MTMR8: variants seen among roughly 807,000 people sequenced by gnomAD.
MTMR8 encodes the protein myotubularin related protein 8.
In MTMR8, 65 loss-of-function variants were observed where a neutral mutation model predicts 39.3. The ratio of observed to expected loss-of-function variants is 1.65; its 90% confidence interval spans 1.35 to 2.03. MTMR8 has a LOEUF of 2.03. MTMR8 is among the 30% of genes most tolerant of loss of function. MTMR8 has a pLI of 0.00. For missense variants in MTMR8, 777 were observed against 538.9 expected, an observed-to-expected ratio of 1.44 and a Z score of -4.37; for synonymous variants, 245 against 185.2, an observed-to-expected ratio of 1.32 and a Z score of -2.62.
intron 12 of MTMR8, among the ~76,000 whole-genome samples, chrX:64,316,690 A>C (rs188465042): frequency 1.8e-5 from 2 of 111,582 alleles, no homozygotes; most frequent in African/African-American, 6.5e-5. Context: ...TCGCATTGAT[A>C]TATTTTTTTT....
intron 12 of MTMR8, among the ~76,000 whole-genome samples, chrX:64,310,903 A>T (rs1407888686): frequency 1.8e-5 from 2 of 111,967 alleles, no homozygotes; most frequent in African/African-American, 6.5e-5. Flanking sequence ...TCTATCATTG[A>T]TAAACATTTG....
Position 64,343,686 on chromosome X carries a change from A to C in MTMR8, c.900T>G (p.Phe300Leu). 2 of 1,207,050 alleles carry C rather than the reference A, an allele frequency of 1.7e-6. No homozygotes were observed. The highest frequency in any genetic ancestry group is 2.2e-6 in the Non-Finnish European group (2 of 891,849). The stretch of plus-strand genomic sequence containing the variant: ...ACCCTGAGCTCTCCAGGCCGCTAAG[A>C]AATTCACTCATTGTTGGAGTTTTCA... ...CELKTPTMSE[F>L]LSGLESSGWL... Residue 300 changes from phenylalanine (F) to leucine (L), a missense_variant, in exon 8 of 14, where the codon TTT becomes TTG. Transcript: ENST00000374852.
intron 12 of MTMR8, among the ~76,000 whole-genome samples, chrX:64,322,477 G>A (rs1424720520): frequency 8.9e-6 from 1 of 111,839 alleles, no homozygotes; most frequent in East Asian, 2.8e-4. Flanking sequence ...GAGAAGAATT[G>A]GTATTTGTTC....
chrX:64,376,835 C>A (rs986692488), intron 1 of MTMR8, among the ~76,000 whole-genome samples: 1 of 112,126 alleles, frequency 8.9e-6, no homozygotes, highest in Non-Finnish European at 1.9e-5. Context: ...ACCTTCACAG[C>A]AGCCCCTCCC....
intron 12 of MTMR8, chrX:64,305,239 C>T (rs1922065567): frequency 5.9e-6 from 1 of 168,824 alleles, no homozygotes. Flanking sequence ...CAGTCCTCCA[C>T]ATTTTTCTAT....
chrX:64,394,860 G>A (rs1924780876), intron 1 of MTMR8, among the ~76,000 whole-genome samples: 1 of 112,465 alleles, frequency 8.9e-6, no homozygotes, highest in South Asian at 3.6e-4. Flanking sequence ...GCTGGAGCGA[G>A]AGTGGGGTTC....
At chrX:64,316,727 C>T (rs931290411) in intron 12 of MTMR8, among the ~76,000 whole-genome samples, 27 of 111,523 alleles carry the variant, frequency 2.4e-4, no homozygotes, top group Non-Finnish European at 5.1e-4. Context: ...CAACTTCCTT[C>T]TGGCTTCCAT....
At chrX:64,270,911 G>C in intron 13 of MTMR8, 36 bp downstream of exon 13, 2 of 1,197,757 alleles carry the variant, frequency 1.7e-6, no homozygotes, top group Non-Finnish European at 2.2e-6. Context: ...ACCCAGAAGG[G>C]GCAAGAAGAT....
At chrX:64,323,776 A>G (rs774325387) in intron 12 of MTMR8, among the ~76,000 whole-genome samples, 100 of 112,392 alleles carry the variant, frequency 8.9e-4, no homozygotes, top group Non-Finnish European at 1.6e-3. Flanking sequence ...GAAAATTCAC[A>G]AATACACATG....
intron 1 of MTMR8, among the ~76,000 whole-genome samples, chrX:64,372,632 T>C (rs768167010): frequency 1.8e-5 from 2 of 111,955 alleles, no homozygotes; most frequent in Non-Finnish European, 3.8e-5. Context: ...TTAAGATTCA[T>C]CCAGGTGTTT....
At chrX:64,304,971 C>CAT (rs1395846429) in intron 12 of MTMR8, 2 of 65,101 alleles carry the variant, frequency 3.1e-5, no homozygotes, top group African/African-American at 6.9e-5. Context: ...TATGTATATA[C>CAT]ATATATATGT....
Position 64,312,329 on chromosome X carries a change from CGT to C in MTMR8, c.1481+16441_1481+16442del, listed in dbSNP as rs1366506006. Among the ~76,000 whole-genome samples the C allele has an allele frequency of 2.7e-5, 3 of 111,124 alleles. No individual in the cohort carries two copies. The Admixed American group carries it at 2.9e-4, about 11-fold the overall frequency. On this transcript the variant is annotated intron_variant, in intron 12 of 13. Transcript: ENST00000374852. ...TGTTTGTTATTGGTGTATAGGAATC[CGT>C]GTGATTTCTGCACATTGATTTTGCA... is the stretch of plus-strand genomic sequence containing the variant.
At chrX:64,377,719 A>G (rs1924307264) in intron 1 of MTMR8, among the ~76,000 whole-genome samples, 1 of 112,179 alleles carries the variant, frequency 8.9e-6, no homozygotes, top group African/African-American at 3.2e-5. Context: ...AGAATGAGTT[A>G]AGACTCTGGG....
intron 12 of MTMR8, among the ~76,000 whole-genome samples, chrX:64,287,847 TA>T (rs1427660221): frequency 9.5e-6 from 1 of 105,004 alleles, no homozygotes; most frequent in Non-Finnish European, 2.0e-5. Context: ...ATGTTAGACC[TA>T]AAACCATAAA....
chrX:64,326,215 C>T (rs964700320), intron 12 of MTMR8, among the ~76,000 whole-genome samples: 3 of 110,955 alleles, frequency 2.7e-5, no homozygotes, highest in Non-Finnish European at 5.7e-5. Context: ...GTCTTGCTGA[C>T]TCAGTGGTTG....
chrX:64,359,214 C>T (rs911038666), intron 2 of MTMR8, among the ~76,000 whole-genome samples, 191 bp downstream of exon 2: 3 of 110,636 alleles, frequency 2.7e-5, no homozygotes, highest in African/African-American at 9.9e-5. Flanking sequence ...ACTATGATGA[C>T]CAGAGCCAAT....
intron 12 of MTMR8, among the ~76,000 whole-genome samples, chrX:64,317,004 C>G (rs991119253): frequency 1.9e-5 from 2 of 105,799 alleles, no homozygotes; most frequent in Admixed American, 1.0e-4. Context: ...CCCAGCTACT[C>G]GGGAGGCTGA....
At chrX:64,358,517 T>C (rs182569611) in intron 2 of MTMR8, among the ~76,000 whole-genome samples, 1 of 111,829 alleles carries the variant, frequency 8.9e-6, no homozygotes, top group African/African-American at 3.2e-5. Flanking sequence ...GGTATTATTT[T>C]ATCTGTATTT....
At chrX:64,360,185 G>A (rs1314791910) in intron 1 of MTMR8, among the ~76,000 whole-genome samples, 1 of 110,052 alleles carries the variant, frequency 9.1e-6, no homozygotes, top group South Asian at 3.8e-4. Context: ...AAATAAAGCT[G>A]AGGTAGCAGT....
Sources: allele counts gnomAD v4.1 joint callset (sites outside exome capture counted in the v4.1 genomes callset), GRCh38; gene constraint gnomAD v4.1.1; transcripts MANE v1.5; gene names NCBI Gene and HGNC (gene_info 2026-07-23, HGNC 2026-07-21).